ATRNL1: variants seen among roughly 807,000 people sequenced by gnomAD.
ATRNL1 encodes attractin like 1, also known as attractin-like protein 1.
A neutral mutation model predicts 182.7 loss-of-function variants in ATRNL1; 95 were observed. The ratio of observed to expected loss-of-function variants is 0.52; its 90% CI spans 0.44 to 0.62. The LOEUF (loss-of-function observed/expected upper bound fraction) is 0.62. Among genes scored for constraint, ATRNL1 ranks in the 20% least tolerant of loss-of-function variants. The probability of loss-of-function intolerance (pLI) is 0.00; values close to 1 mark genes in which losing one functional copy is unlikely to be tolerated. For missense variants in ATRNL1, 1,471 were observed against 1,679.5 expected, an observed-to-expected ratio of 0.88 and a Z score of 2.17; for synonymous variants, 576 against 568.3, an observed-to-expected ratio of 1.01 and a Z score of -0.19.
intron 8 of ATRNL1, among the ~76,000 whole-genome samples, chr10:115,211,880 TCTC>T (rs1849040564): frequency 6.6e-6 from 1 of 151,808 alleles, no homozygotes; most frequent in Non-Finnish European, 1.5e-5. Flanking sequence ...TTCTTTTTCT[TCTC>T]CTTTTGGGAT....
At chr10:115,153,387 A>G (rs1554881192) in intron 5 of ATRNL1, among the ~76,000 whole-genome samples, 1 of 151,952 alleles carries the variant, frequency 6.6e-6, no homozygotes, top group Non-Finnish European at 1.5e-5. Flanking sequence ...TATTGCCTCA[A>G]TTTCAGAGCC....
chr10:115,808,602 C>A (rs1182620729), intron 27 of ATRNL1, among the ~76,000 whole-genome samples: 9 of 152,092 alleles, frequency 5.9e-5, no homozygotes, highest in African/African-American at 1.9e-4. Context: ...GAGAAACTGC[C>A]AAACTGTTCT....
In ATRNL1 at chr10:115,408,673, G is replaced by GT. The variant is rs374063647; in HGVS notation, c.3269+13928dup. Among the ~76,000 whole-genome samples the GT allele has an allele frequency of 3.0e-3, 455 of 151,990 alleles. 4 individuals carry two copies. The highest frequency in any genetic ancestry group is 0.01 in the African/African-American group (435 of 41,432). On this transcript the variant is annotated intron_variant, in intron 20 of 28. Transcript: ENST00000355044. ...CCATGTCCTGAAGCATTCCCCTGGC[G>GT]TTTTTTTCTAGTAGTTTTATTGTTT...
chr10:115,178,516 T>G, intron 8 of ATRNL1, among the ~76,000 whole-genome samples: 1 of 152,194 alleles, frequency 6.6e-6, no homozygotes, highest in African/African-American at 2.4e-5. Context: ...TGTGTCCTTT[T>G]GTTTTTAAAT....
intron 27 of ATRNL1, among the ~76,000 whole-genome samples, chr10:115,735,757 G>C (rs1224516567): frequency 2.0e-5 from 3 of 151,456 alleles, no homozygotes; most frequent in Non-Finnish European, 4.4e-5. Flanking sequence ...GCTAGACAGA[G>C]ATAATTCGCA....
At chr10:115,399,484 G>A (rs1310139690) in intron 20 of ATRNL1, among the ~76,000 whole-genome samples, 1 of 151,958 alleles carries the variant, frequency 6.6e-6, no homozygotes, top group African/African-American at 2.4e-5. Flanking sequence ...TCTCATGGTT[G>A]TTCATATTTC....
At chr10:115,755,407 T>C (rs1948560140) in intron 27 of ATRNL1, among the ~76,000 whole-genome samples, 1 of 152,216 alleles carries the variant, frequency 6.6e-6, no homozygotes, top group Admixed American at 6.5e-5. Flanking sequence ...TGAAGGCCTT[T>C]TCTGCATCTA....
intron 9 of ATRNL1, chr10:115,220,322 G>C (rs1295553650): frequency 6.6e-6 from 1 of 152,082 alleles, no homozygotes; most frequent in African/African-American, 2.4e-5. Context: ...TCGGCTCTTC[G>C]TGTTCACTTT....
intron 1 of ATRNL1, among the ~76,000 whole-genome samples, chr10:115,099,085 C>T (rs1376333326): frequency 6.6e-6 from 1 of 152,194 alleles, no homozygotes; most frequent in African/African-American, 2.4e-5. Context: ...TAAACCCTCC[C>T]TTTTCTAGTT....
intron 20 of ATRNL1, among the ~76,000 whole-genome samples, chr10:115,411,003 T>C (rs543107823): frequency 1.0e-3 from 154 of 152,146 alleles, no homozygotes; most frequent in Non-Finnish European, 2.0e-3. Flanking sequence ...CCCAAAGTAC[T>C]GGGACTACAG....
intron 19 of ATRNL1, among the ~76,000 whole-genome samples, chr10:115,384,853 C>G (rs1386942807): frequency 6.9e-6 from 1 of 143,904 alleles, no homozygotes; most frequent in Admixed American, 7.0e-5. Context: ...TTTAATTTCT[C>G]TTTTTTTTTT....
At chr10:115,904,389 G>C (rs1589671019) in intron 28 of ATRNL1, among the ~76,000 whole-genome samples, 1 of 152,316 alleles carries the variant, frequency 6.6e-6, no homozygotes, top group African/African-American at 2.4e-5. Context: ...TCCTCCTGCA[G>C]TGTGGCTGTT....
intron 19 of ATRNL1, among the ~76,000 whole-genome samples, chr10:115,379,780 G>GA (rs1306070394): frequency 6.6e-4 from 100 of 152,150 alleles, no homozygotes; most frequent in African/African-American, 2.3e-3. Context: ...CAAACTTAAT[G>GA]AAAAAACTGT....
At chr10:115,405,194 A>G (rs1554957908) in intron 20 of ATRNL1, among the ~76,000 whole-genome samples, 1 of 152,202 alleles carries the variant, frequency 6.6e-6, no homozygotes, top group African/African-American at 2.4e-5. Flanking sequence ...TCAGGGGATG[A>G]AATAAATAGC....
intron 22 of ATRNL1, among the ~76,000 whole-genome samples, chr10:115,465,114 CT>C (rs1592697378): frequency 6.6e-6 from 1 of 151,662 alleles, no homozygotes; most frequent in East Asian, 1.9e-4. Flanking sequence ...TAATTTCCCC[CT>C]AATCAATCAG....
chr10:115,123,545 A>G (rs1450927994), intron 3 of ATRNL1, among the ~76,000 whole-genome samples: 1 of 152,182 alleles, frequency 6.6e-6, no homozygotes, highest in Non-Finnish European at 1.5e-5. Flanking sequence ...GGCTTAGAGT[A>G]CATAGTAAGG....
chr10:115,345,831 A>G (rs1434013438), intron 19 of ATRNL1, among the ~76,000 whole-genome samples: 1 of 152,222 alleles, frequency 6.6e-6, no homozygotes, highest in Non-Finnish European at 1.5e-5. Context: ...GATATTTCAT[A>G]TAAATGGAAT....
intron 9 of ATRNL1, among the ~76,000 whole-genome samples, chr10:115,220,839 G>T (rs1439446406): frequency 6.6e-6 from 1 of 151,022 alleles, no homozygotes; most frequent in East Asian, 2.0e-4. Flanking sequence ...CATCTCACTT[G>T]CCACTATAAA....
At chr10:115,582,958 A>G (rs1855229421) in intron 26 of ATRNL1, among the ~76,000 whole-genome samples, 1 of 147,384 alleles carries the variant, frequency 6.8e-6, no homozygotes, top group African/African-American at 2.5e-5. Context: ...TCAGCTTTCT[A>G]CATATGGCTA....
Sources: allele counts gnomAD v4.1 joint callset (sites outside exome capture counted in the v4.1 genomes callset), GRCh38; gene constraint gnomAD v4.1.1; transcripts MANE v1.5; gene names NCBI Gene and HGNC (gene_info 2026-07-23, HGNC 2026-07-21).